The following TENM3 variants were observed in gnomAD, a reference collection of about 807,000 sequenced individuals.
The protein encoded by TENM3 is teneurin transmembrane protein 3.
A neutral mutation model predicts 255.1 loss-of-function variants in TENM3; 63 were observed. That is an observed-to-expected ratio of 0.25 (90% CI 0.20 to 0.30). The LOEUF is 0.30. TENM3 is among the 10% of genes least tolerant of loss of function. The pLI is 1.00. For missense variants in TENM3, 2,929 were observed against 3,461.1 expected (o/e 0.85, Z 3.86); for synonymous variants, 1,306 against 1,322.3 (o/e 0.99, Z 0.27).
the TENM3 span, among the ~76,000 whole-genome samples, chr4:182,121,019 G>A: frequency 2.6e-5 from 4 of 151,860 alleles, no homozygotes; most frequent in Non-Finnish European, 5.9e-5. Flanking sequence ...ATTTTTTTGA[G>A]ATGCAGTCTC....
the TENM3 span, among the ~76,000 whole-genome samples, chr4:182,049,550 C>T: frequency 1.3e-5 from 2 of 152,228 alleles, no homozygotes; most frequent in South Asian, 2.1e-4. Flanking sequence ...GGAAGTTCAG[C>T]GTGCAAAGCA....
chr4:182,670,209 A>G (rs1038047824), intron 6 of TENM3, among the ~76,000 whole-genome samples: 5 of 152,214 alleles, frequency 3.3e-5, no homozygotes, highest in African/African-American at 1.2e-4. Flanking sequence ...AATACTTTGA[A>G]TCCTATGAAT....
chr4:182,696,970 C>A (rs1757475824), intron 12 of TENM3, among the ~76,000 whole-genome samples: 1 of 35,384 alleles, frequency 2.8e-5, no homozygotes, highest in Non-Finnish European at 7.8e-5. Flanking sequence ...ATTACTTAAG[C>A]CCCCTGTGCC....
At chr4:181,895,532 ATTTTTTTTTTTTTTTT>A in the TENM3 span, among the ~76,000 whole-genome samples, 1 of 41,466 alleles carries the variant, frequency 2.4e-5, no homozygotes, top group Non-Finnish European at 4.2e-5. Context: ...TATCTGGCTG[ATTTTTTTTTTTTTTTT>A]TTTTTTTTTT....
intron 1 of TENM3, among the ~76,000 whole-genome samples, chr4:182,306,598 T>C (rs1290406394): frequency 2.0e-5 from 3 of 152,184 alleles, no homozygotes; most frequent in Non-Finnish European, 4.4e-5. Flanking sequence ...TTATTATTAC[T>C]GGATAAATAT....
intron 12 of TENM3, among the ~76,000 whole-genome samples, chr4:182,712,701 A>G (rs945015345): frequency 4.6e-5 from 7 of 152,204 alleles, no homozygotes; most frequent in Admixed American, 6.5e-5. Context: ...GGGGACACCA[A>G]TATATGAATA....
intron 4 of TENM3, among the ~76,000 whole-genome samples, chr4:182,605,535 A>G (rs1012697589): frequency 2.0e-4 from 31 of 152,004 alleles, no homozygotes; most frequent in Admixed American, 6.6e-4. Flanking sequence ...ACTAATGAAT[A>G]GTAAAAAATC....
chr4:182,144,660 C>T (rs1749779956), upstream of TENM3: 1 of 146,922 alleles, frequency 6.8e-6, no homozygotes, highest in Non-Finnish European at 1.5e-5. Context: ...CGCCCGGCTC[C>T]TTTGAATTTG....
the TENM3 span, among the ~76,000 whole-genome samples, chr4:182,046,400 T>A: frequency 2.0e-5 from 3 of 152,058 alleles, no homozygotes; most frequent in Non-Finnish European, 4.4e-5. Context: ...TGTAAACTAA[T>A]GCTCAACAAA....
chr4:182,658,295 T>G (rs1033475616), intron 6 of TENM3, among the ~76,000 whole-genome samples: 4 of 152,222 alleles, frequency 2.6e-5, no homozygotes, highest in African/African-American at 9.6e-5. Context: ...GATGTCTCTG[T>G]TTAGTTGACT....
chr4:182,327,631 G>A (rs1763498047), intron 2 of TENM3, among the ~76,000 whole-genome samples: 1 of 152,220 alleles, frequency 6.6e-6, no homozygotes, highest in Non-Finnish European at 1.5e-5. Context: ...TGTGTAATTT[G>A]ACGGGATCTC....
chr4:182,432,865 T>TGTGTGTGTGTGTG (rs1554066043), intron 3 of TENM3, among the ~76,000 whole-genome samples: 8 of 151,464 alleles, frequency 5.3e-5, no homozygotes, highest in South Asian at 2.1e-4. Flanking sequence ...TGTGTGTGTG[T>TGTGTGTGTGTGTG]TTTAGTAGAG....
intron 19 of TENM3, among the ~76,000 whole-genome samples, chr4:182,749,725 G>C (rs559412920): frequency 3.3e-5 from 5 of 152,130 alleles, no homozygotes; most frequent in Non-Finnish European, 7.3e-5. Context: ...AGGCAATCGG[G>C]TACAGAGTTC....
At position 182,775,606 on chromosome 4, in the gene TENM3, C is replaced by T. The variant is rs148769199; in HGVS notation, c.5304+453C>T. 5.9e-3 allele frequency among the ~76,000 whole-genome samples: 892 copies of T among 152,266 alleles called. 15 individuals are homozygous for T. The highest frequency in any genetic ancestry group is 0.02 in the African/African-American group (841 of 41,540). ...CCCTGCTGCCTTGGGCCACTGCAAA[C>T]GCAAGGCTAGTTCACAGGCCTCCTC... On this transcript the variant is annotated intron_variant, in intron 24 of 27. Coordinates refer to ENST00000511685, the MANE Select transcript of TENM3 (RefSeq NM_001080477.4).
the TENM3 span, among the ~76,000 whole-genome samples, chr4:181,450,629 C>T: frequency 1.3e-5 from 2 of 152,130 alleles, no homozygotes; most frequent in African/African-American, 4.8e-5. Flanking sequence ...CAGATGACAC[C>T]AGTTTCTCAT....
chr4:182,111,464 A>C, the TENM3 span, among the ~76,000 whole-genome samples: 1 of 151,914 alleles, frequency 6.6e-6, no homozygotes, highest in African/African-American at 2.4e-5. Context: ...AATACAGAAC[A>C]CCTTTTTAAA....
At chr4:181,736,830 T>C in the TENM3 span, among the ~76,000 whole-genome samples, 97 of 152,158 alleles carry the variant, frequency 6.4e-4, no homozygotes, top group African/African-American at 2.2e-3. Context: ...TGACAGGAAC[T>C]AGTGGAGGCC....
the TENM3 span, among the ~76,000 whole-genome samples, chr4:182,053,959 C>A: frequency 3.9e-4 from 60 of 152,230 alleles, no homozygotes; most frequent in Non-Finnish European, 6.8e-4. Flanking sequence ...CAAAGACATG[C>A]TCTTCCTCCC....
At chr4:182,550,970 C>T (rs1741941724) in intron 3 of TENM3, among the ~76,000 whole-genome samples, 1 of 152,150 alleles carries the variant, frequency 6.6e-6, no homozygotes, top group South Asian at 2.1e-4. Context: ...CCTGTAATCC[C>T]AGCACTTTGG....
Sources: allele counts gnomAD v4.1 joint callset (sites outside exome capture counted in the v4.1 genomes callset), GRCh38; gene constraint gnomAD v4.1.1; transcripts MANE v1.5; gene names NCBI Gene and HGNC (gene_info 2026-07-23, HGNC 2026-07-21).